The following GPAM variants were observed in gnomAD, a reference collection of about 807,000 sequenced individuals.
GPAM encodes the protein glycerol-3-phosphate acyltransferase, mitochondrial.
Under a neutral mutation model 105.0 loss-of-function variants are expected in GPAM, and 56 were observed. That is an observed-to-expected ratio of 0.53 (90% CI 0.43 to 0.67). The LOEUF (loss-of-function observed/expected upper bound fraction) is 0.67. Among genes scored for constraint, GPAM ranks in the 30% least tolerant of loss-of-function variants. GPAM has a pLI of 0.00. For synonymous variants in GPAM, 368 were observed against 354.4 expected, an observed-to-expected ratio of 1.04 and a Z score of -0.43; for missense variants, 855 against 989.8, an observed-to-expected ratio of 0.86 and a Z score of 1.83.
Position 112,157,432 on chromosome 10 carries a change from C to T in GPAM, c.1981-43G>A, listed in dbSNP as rs373661087. On this transcript the variant is annotated intron_variant, in intron 18 of 21. Transcript: ENST00000348367. Reference sequence around the variant, plus strand: ...TGGATAGTAAATAAATATGCACTGGCACACAAACAACTGCCCAGTGGAGCC... The same window carrying T: ...TGGATAGTAAATAAATATGCACTGGTACACAAACAACTGCCCAGTGGAGCC... 3.9e-5 allele frequency: 63 copies of T among 1,595,782 alleles called. No homozygotes were observed. The African/African-American group carries it at 6.4e-4, about 16-fold the overall frequency.
At chr10:112,204,424 G>C (rs1847836756) in intron 1 of GPAM, among the ~76,000 whole-genome samples, 1 of 151,728 alleles carries the variant, frequency 6.6e-6, no homozygotes, top group African/African-American at 2.4e-5. Flanking sequence ...GAGTGGGTAG[G>C]GGAAGAAGAG....
At chr10:112,153,841 T>C in intron 21 of GPAM, 175 bp from the exon 22 acceptor site, 3 of 623,010 alleles carry the variant, frequency 4.8e-6, no homozygotes, top group South Asian at 2.0e-5. Context: ...GGTGGGAGTT[T>C]CCAATGCAAA....
At chr10:112,225,021 G>C in the GPAM span, among the ~76,000 whole-genome samples, 1 of 152,140 alleles carries the variant, frequency 6.6e-6, no homozygotes, top group African/African-American at 2.4e-5. Flanking sequence ...TGAAGCACAT[G>C]CCTTAGGATG....
intron 17 of GPAM, among the ~76,000 whole-genome samples, chr10:112,158,921 A>G (rs181614149): frequency 3.3e-5 from 5 of 152,298 alleles, no homozygotes; most frequent in Admixed American, 3.3e-4. Flanking sequence ...ATTCCCCAAC[A>G]GGACCACGAG....
intron 13 of GPAM, among the ~76,000 whole-genome samples, chr10:112,164,137 C>T (rs1369263543): frequency 2.0e-5 from 3 of 152,142 alleles, no homozygotes; most frequent in African/African-American, 7.2e-5. Context: ...GGAAAGGCTT[C>T]ATATTCAATT....
In GPAM at chr10:112,175,957, C is replaced by T. The variant is rs542092603; in HGVS notation, c.300-244G>A. Reference sequence around the variant, plus strand: ...TAATGTTTGAATAGTGTTACTGTGCCGAATAACCCTAATATGAAAACAAAA... The same window carrying T: ...TAATGTTTGAATAGTGTTACTGTGCTGAATAACCCTAATATGAAAACAAAA... On this transcript the variant is annotated intron_variant, in intron 5 of 21. Transcript: ENST00000348367. Among the ~76,000 whole-genome samples the T allele has an allele frequency of 1.1e-4, 17 of 152,094 alleles. No individual in the cohort carries two copies. The South Asian group carries it at 1.5e-3, about 13-fold the overall frequency.
At chr10:112,169,060 C>T in intron 9 of GPAM, 108 bp from the exon 10 acceptor site, 1 of 747,354 alleles carries the variant, frequency 1.3e-6, no homozygotes, top group Non-Finnish European at 2.4e-6. Context: ...CCATATGTGC[C>T]GTTTGAGCAG....
chr10:112,159,723 G>A (rs1405588280), intron 17 of GPAM, among the ~76,000 whole-genome samples, 188 bp downstream of exon 17: 2 of 152,228 alleles, frequency 1.3e-5, no homozygotes, highest in African/African-American at 2.4e-5. Flanking sequence ...ATTCAGTGGA[G>A]CAGTGACCCA....
intron 16 of GPAM, 27 bp from the exon 17 acceptor site, chr10:112,160,080 T>C (rs1331902695): frequency 3.1e-6 from 5 of 1,612,868 alleles, no homozygotes; most frequent in African/African-American, 2.7e-5. Flanking sequence ...AACAATGAAG[T>C]TGCCAGCTCA....
At chr10:112,209,971 C>T (rs1261065832) in intron 1 of GPAM, among the ~76,000 whole-genome samples, 1 of 152,166 alleles carries the variant, frequency 6.6e-6, no homozygotes, top group Non-Finnish European at 1.5e-5. Context: ...CCAGGCAAGG[C>T]GGACAGGGTA....
Position 112,158,368 on chromosome 10 carries a change from C to A in GPAM, c.1928G>T (p.Cys643Phe), listed in dbSNP as rs749127175. 6.2e-7 allele frequency: 1 copy of A among 1,604,820 alleles called. No homozygotes were observed. The highest frequency in any genetic ancestry group is 1.1e-5 in the South Asian group (1 of 90,906). ...SLPCQTFYQVCHETVGKFIQY... is the reference protein window; with the variant it reads ...SLPCQTFYQVFHETVGKFIQY... Reference sequence around the variant, plus strand: ...GATAAACTTTCCTACTGTTTCATGGCAGACTTGGTAAAATGTCTGGCAAGG... The same window carrying A: ...GATAAACTTTCCTACTGTTTCATGGAAGACTTGGTAAAATGTCTGGCAAGG... Residue 643 changes from cysteine (C) to phenylalanine (F), a missense_variant, in exon 18 of 22, where the codon TGC (cysteine) becomes TTC (phenylalanine). By Grantham distance (205) the Cys-to-Phe change is radical. Coordinates refer to ENST00000348367, the MANE Select transcript of GPAM (RefSeq NM_001244949.2).
chr10:112,200,227 G>GTATATATATA (rs66664923), intron 1 of GPAM, among the ~76,000 whole-genome samples: 22 of 84,994 alleles, frequency 2.6e-4, no homozygotes, highest in African/African-American at 8.5e-4. Flanking sequence ...CACACTATAT[G>GTATATATATA]TATATATATA....
chr10:112,155,512 A>G (rs959954595), intron 20 of GPAM: 1 of 284,142 alleles, frequency 3.5e-6, no homozygotes, highest in Non-Finnish European at 6.7e-6. Context: ...GCTCATAGCA[A>G]CACTGTTCAA....
chr10:112,173,622 A>C (rs979597265), intron 7 of GPAM, 77 bp downstream of exon 7: 1 of 1,320,078 alleles, frequency 7.6e-7, no homozygotes, highest in Middle Eastern at 1.8e-4. Context: ...CTGTGCTAGG[A>C]AAGTTCAATA....
upstream of GPAM, among the ~76,000 whole-genome samples, chr10:112,218,361 G>A (rs900806502): frequency 6.6e-6 from 1 of 152,214 alleles, no homozygotes; most frequent in South Asian, 2.1e-4. Flanking sequence ...TGGAGAGATG[G>A]AGAGGACTTC....
At chr10:112,210,681 T>C (rs1847901331) in intron 1 of GPAM, among the ~76,000 whole-genome samples, 1 of 152,248 alleles carries the variant, frequency 6.6e-6, no homozygotes, top group South Asian at 2.1e-4. Context: ...TTCAGGGGCC[T>C]GAGGCTAACT....
rs554340533 is a variant in GPAM at position 112,151,111 on chromosome 10, T to A, written c.*2439A>T. 88 of 981,798 alleles carry A rather than the reference T, an allele frequency of 9.0e-5. No homozygotes were observed. Among genetic ancestry groups the A allele is most frequent in the Non-Finnish European group, 1.0e-4 (84 of 827,608 alleles). The allele number at this position is 981,798 out of a possible 1,614,324, so 60.8% of individuals were successfully genotyped here. ...GACTGCAGTTTCATGTTGTTTAATA[T>A]TGTTTTTTTTTTTTAACTTGACCAC... On this transcript the variant is annotated 3_prime_UTR_variant, in exon 22 of 22. Transcript: ENST00000348367.
Position 112,189,001 on chromosome 10 carries a change from G to T in GPAM, n.211-6110C>A, listed in dbSNP as rs554831539. Among the ~76,000 whole-genome samples, 59 of 152,214 alleles carry T rather than the reference G, an allele frequency of 3.9e-4. 1 individual carries two copies. In the South Asian group the frequency reaches 0.012, roughly 32 times the overall value. ...CTCCCTTTCAGACTGATCCAGATTCGTTGACCAAACTTCCCTGGGTGCATT... is the reference window on the plus strand; with the variant it reads ...CTCCCTTTCAGACTGATCCAGATTCTTTGACCAAACTTCCCTGGGTGCATT... On this transcript the variant is annotated intron_variant and non_coding_transcript_variant, in intron 1 of 3. Transcript: ENST00000480130.
chr10:112,155,907 G>T lies in GPAM; in HGVS notation c.2268C>A (p.His756Gln), dbSNP rs1198593740. The change falls in exon 20 of 22, where the codon CAC becomes CAA. Residue 756 changes from histidine (H) to glutamine (Q), a missense_variant. His to Gln is a conservative substitution (Grantham distance 24, BLOSUM62 0). Coordinates refer to ENST00000348367, the MANE Select transcript of GPAM (RefSeq NM_001244949.2). The part of the protein sequence containing the change: ...VPEPEYLQKL[H>Q]KYLITRTERN... ...TTTCTGTTCTGGTTATTAGGTATTTGTGCAACTTTTGCAGATACTCAGGTT... is the reference window on the plus strand; with the variant it reads ...TTTCTGTTCTGGTTATTAGGTATTTTTGCAACTTTTGCAGATACTCAGGTT... 2 of 1,610,780 alleles carry T rather than the reference G, an allele frequency of 1.2e-6. No homozygotes were observed. Among genetic ancestry groups the T allele is most frequent in the South Asian group, 1.1e-5 (1 of 91,002 alleles).
Sources: gnomAD v4.1 joint callset for allele counts (sites outside exome capture counted in the v4.1 genomes callset) on GRCh38, gnomAD v4.1.1 for gene constraint, MANE v1.5 for transcripts, NCBI Gene and HGNC (gene_info 2026-07-23, HGNC 2026-07-21) for gene names.